The following BMS1 variants were observed in gnomAD, a reference collection of about 807,000 sequenced individuals.
The protein encoded by BMS1 is BMS1 ribosome biogenesis factor.
A neutral mutation model predicts 138.7 loss-of-function variants in BMS1; 53 were observed. That is an observed-to-expected ratio of 0.38 (90% CI 0.31 to 0.48). BMS1 has a LOEUF of 0.48. Among genes scored for constraint, BMS1 ranks in the 20% least tolerant of loss-of-function variants. The pLI is 0.97. For missense variants in BMS1, 1,360 were observed against 1,565.5 expected, an observed-to-expected ratio of 0.87 and a Z score of 2.22; for synonymous variants, 504 against 539.9, an observed-to-expected ratio of 0.93 and a Z score of 0.92.
Position 42,785,629 on chromosome 10 carries a change from G to C in BMS1, c.324G>C (p.Arg108=), listed in dbSNP as rs149986021. 1.2e-6 allele frequency: 2 copies of C among 1,613,748 alleles called. No individual in the cohort carries two copies. Among genetic ancestry groups the C allele is most frequent in the African/African-American group, 2.7e-5 (2 of 74,884 alleles). ...AATGCCTCATTCGGAACTTTACCCG[G>C]CAGAAGTTGACTGAGATCAGAGGCC... ...LIQCLIRNFT[R]QKLTEIRGPV... Residue 108 remains arginine, a synonymous_variant, in exon 3 of 23, where the codon CGG becomes CGC. Coordinates refer to ENST00000374518, the MANE Select transcript of BMS1 (RefSeq NM_014753.4).
intron 12 of BMS1, among the ~76,000 whole-genome samples, chr10:42,801,712 A>T (rs1177671258): frequency 6.6e-6 from 1 of 152,258 alleles, no homozygotes; most frequent in Non-Finnish European, 1.5e-5. Flanking sequence ...TATTCTGGAT[A>T]TAAGTCCCTT....
chr10:42,826,874 G>C (rs1830915707), intron 21 of BMS1, among the ~76,000 whole-genome samples: 1 of 152,126 alleles, frequency 6.6e-6, no homozygotes, highest in Non-Finnish European at 1.5e-5. Flanking sequence ...GTCAACTCAG[G>C]CTCCAAGGGG....
At chr10:42,811,208 A>AT (rs1423568631) in intron 13 of BMS1, among the ~76,000 whole-genome samples, 2 of 151,728 alleles carry the variant, frequency 1.3e-5, no homozygotes, top group Non-Finnish European at 2.9e-5. Flanking sequence ...CGCACAGCTA[A>AT]TTTTTTGTAT....
chr10:42,790,334 T>A lies in BMS1; in HGVS notation c.459T>A (p.Leu153=). Residue 153 remains leucine, a synonymous_variant, in exon 5 of 23, where the codon CTT becomes CTA. Coordinates refer to ENST00000374518, the MANE Select transcript of BMS1 (RefSeq NM_014753.4). ...LAKVADLVLM[L]IDASFGFEME... Reference sequence around the variant, plus strand: ...TGTTCTGCTTTTAGGTACTGATGCTTATAGATGCCAGCTTTGGGTTTGAAA... The same window carrying A: ...TGTTCTGCTTTTAGGTACTGATGCTAATAGATGCCAGCTTTGGGTTTGAAA... 3.1e-6 allele frequency: 5 copies of A among 1,613,828 alleles called. No homozygotes were observed. Among genetic ancestry groups the A allele is most frequent in the Non-Finnish European group, 4.2e-6 (5 of 1,179,842 alleles).
intron 21 of BMS1, 46 bp downstream of exon 21, chr10:42,823,830 A>T: frequency 7.2e-7 from 1 of 1,384,276 alleles, no homozygotes; most frequent in South Asian, 2.0e-5. Flanking sequence ...TGTGCTCTAC[A>T]GACAGGGAGT....
chr10:42,814,717 G>T (rs1842289715), intron 13 of BMS1, among the ~76,000 whole-genome samples: 1 of 152,190 alleles, frequency 6.6e-6, no homozygotes, highest in South Asian at 2.1e-4. Context: ...TGGCTTATAT[G>T]TATCACTGGG....
At chr10:42,790,247 G>C in intron 4 of BMS1, 76 bp from the exon 5 acceptor site, 1 of 1,451,108 alleles carries the variant, frequency 6.9e-7, no homozygotes. Flanking sequence ...GATTTTGCCC[G>C]TGGCCAGTTG....
At chr10:42,817,174 T>G in intron 14 of BMS1, 144 bp from the exon 15 acceptor site, 1 of 672,308 alleles carries the variant, frequency 1.5e-6, no homozygotes, top group Non-Finnish European at 2.5e-6. Context: ...GAGACAAAGG[T>G]TGTGTTGTGT....
chr10:42,806,793 G>T (rs1842023962), intron 13 of BMS1, among the ~76,000 whole-genome samples: 1 of 151,462 alleles, frequency 6.6e-6, no homozygotes, highest in African/African-American at 2.4e-5. Flanking sequence ...AAAGTTTGTG[G>T]TGTGTTTTTT....
In BMS1 at chr10:42,793,801, T is replaced by C. The variant is rs767995511; in HGVS notation, c.1090-51T>C. ...AGAAACTGAGTGAAGCTCGTGTCTC[T>C]CCAGGATCTTTGTGCTTTCCTCACG... On this transcript the variant is annotated intron_variant, in intron 8 of 22. Coordinates refer to ENST00000374518, the MANE Select transcript of BMS1 (RefSeq NM_014753.4). The C allele has an allele frequency of 3.2e-6, 5 of 1,573,776 alleles. No homozygotes were observed. In the South Asian group the frequency reaches 5.8e-5, roughly 18 times the overall value.
At chr10:42,787,537 T>C (rs1841374266) in intron 4 of BMS1, among the ~76,000 whole-genome samples, 1 of 152,214 alleles carries the variant, frequency 6.6e-6, no homozygotes, top group Admixed American at 6.5e-5. Flanking sequence ...TTAATATGTA[T>C]ACATATATAC....
rs1362602888 is a variant in BMS1 at position 42,830,949 on chromosome 10, A to G, written c.3702A>G (p.Lys1234=). 3 of 1,610,846 alleles carry G rather than the reference A, an allele frequency of 1.9e-6. No individual in the cohort carries two copies. The highest frequency in any genetic ancestry group is 2.5e-6 in the Non-Finnish European group (3 of 1,178,452). ...AGGAGCAGCGGCACCTGCACAATAA[A>G]GAGCACTTCAGAGCCAAGCAGAAGG... The part of the protein sequence containing the change: ...KAKEQRHLHN[K]EHFRAKQKEE... The change falls in exon 23 of 23, where the codon AAA becomes AAG. Residue 1234 remains lysine, a synonymous_variant. Coordinates refer to ENST00000374518, the MANE Select transcript of BMS1 (RefSeq NM_014753.4).
rs1842471777 is a variant in BMS1, at chr10:42,820,386, G to A, written c.2731G>A (p.Gly911Ser). ...FDPHYPIILG[G>S]LGNSEGNVGY... ...CCCCCATTACCCCATTATCCTGGGT[G>A]GCTTGGGCAACAGTGAGGGAAATGT... is the stretch of plus-strand genomic sequence containing the variant. The change falls in exon 16 of 23, where the codon GGC becomes AGC. Residue 911 changes from glycine to serine, a missense_variant. By Grantham distance (56) the Gly-to-Ser change is moderately conservative. Around this residue, in one of 3 missense-constraint regions of BMS1, gnomAD observed 425 missense variants for 568.3 expected, o/e 0.75. Transcript: ENST00000374518. 1.9e-6 allele frequency: 3 copies of A among 1,613,838 alleles called. No individual in the cohort carries two copies. The highest frequency in any genetic ancestry group is 2.7e-5 in the African/African-American group (2 of 75,016).
intron 8 of BMS1, among the ~76,000 whole-genome samples, 172 bp from the exon 9 acceptor site, chr10:42,793,680 A>G (rs1003638028): frequency 6.6e-6 from 1 of 152,180 alleles, no homozygotes; most frequent in East Asian, 1.9e-4. Context: ...TTTAATGGAG[A>G]TGGGGATCCA....
chr10:42,800,265 T>G (rs1231774487), intron 12 of BMS1, among the ~76,000 whole-genome samples: 1 of 152,196 alleles, frequency 6.6e-6, no homozygotes, highest in African/African-American at 2.4e-5. Context: ...GATTTTTATT[T>G]TTCGGCGAAA....
In BMS1 at chr10:42,820,527, G is replaced by A. The variant is rs587777706; in HGVS notation, c.2789G>A (p.Arg930His). The A allele has an allele frequency of 9.9e-6, 16 of 1,610,010 alleles. No individual in the cohort carries two copies. The highest frequency in any genetic ancestry group is 2.7e-5 in the African/African-American group (2 of 74,644). ...GYVQMRLKKHRWYKKILKSRD... is the reference protein window; with the variant it reads ...GYVQMRLKKHHWYKKILKSRD... Reference sequence around the variant, plus strand: ...CCTCAGATGCGTCTGAAGAAACATCGCTGGTATAAGAAAATCCTCAAGTCC... The same window carrying A: ...CCTCAGATGCGTCTGAAGAAACATCACTGGTATAAGAAAATCCTCAAGTCC... The change falls in exon 17 of 23, where the codon CGC (arginine) becomes CAC (histidine). Residue 930 changes from arginine (R) to histidine (H), a missense_variant. Physicochemically the swap from Arg to His is conservative, Grantham distance 29. This residue lies in a region of BMS1 where 425 missense variants were observed against 568.3 expected (regional missense o/e 0.75). Transcript: ENST00000374518.
In BMS1 at chr10:42,824,138, G is replaced by A. The variant is rs574250754; in HGVS notation, c.3456+354G>A. On this transcript the variant is annotated intron_variant, in intron 21 of 22. Transcript: ENST00000374518. ...TTCACACAGTTAGATTTTTTTGTGT[G>A]TAACAGGAACAGCTAAAATCTACTT... Among the ~76,000 whole-genome samples, 184 of 152,184 alleles carry A rather than the reference G, an allele frequency of 1.2e-3. 2 individuals carry two copies. Among genetic ancestry groups the A allele is most frequent in the Non-Finnish European group, 2.5e-3 (167 of 68,004 alleles).
At chr10:42,794,927 C>T (rs1310968037) in intron 9 of BMS1, among the ~76,000 whole-genome samples, 1 of 152,086 alleles carries the variant, frequency 6.6e-6, no homozygotes, top group Non-Finnish European at 1.5e-5. Flanking sequence ...GCCCACCCCA[C>T]AACAGTCCCC....
intron 12 of BMS1, among the ~76,000 whole-genome samples, chr10:42,801,002 C>A (rs1224176959): frequency 6.6e-6 from 1 of 152,216 alleles, no homozygotes; most frequent in African/African-American, 2.4e-5. Flanking sequence ...TCTGTGCACA[C>A]CAGCTCCTGA....
Sources: gnomAD v4.1 joint callset for allele counts (sites outside exome capture counted in the v4.1 genomes callset) on GRCh38, gnomAD v4.1.1 for gene constraint, gnomAD v4.1.1 regional missense constraint, MANE v1.5 for transcripts, NCBI Gene and HGNC (gene_info 2026-07-23, HGNC 2026-07-21) for gene names.